The following LINGO2 variants were observed in gnomAD, a reference collection of about 807,000 sequenced individuals.
LINGO2 encodes leucine-rich repeat and immunoglobulin-like domain-containing nogo receptor-interacting protein 2.
Under a neutral mutation model 30.6 loss-of-function variants are expected in LINGO2, and 14 were observed. The observed-to-expected ratio is 0.46, with a 90% CI of 0.30 to 0.72. The LOEUF is 0.72. Ranked by LOEUF, LINGO2 falls within the 30% of genes least tolerant of loss-of-function variation. LINGO2 has a pLI of 0.07. For synonymous variants in LINGO2, 317 were observed against 288.5 expected, an observed-to-expected ratio of 1.10 and a Z score of -1.00; for missense variants, 729 against 751.7, an observed-to-expected ratio of 0.97 and a Z score of 0.35.
chr9:28,663,376 G>T (rs1286278771), intron 1 of LINGO2, among the ~76,000 whole-genome samples: 1 of 152,052 alleles, frequency 6.6e-6, no homozygotes, highest in Non-Finnish European at 1.5e-5. Flanking sequence ...TCACCATATT[G>T]GTCATGCTGG....
chr9:29,164,768 G>A, the LINGO2 span, among the ~76,000 whole-genome samples: 7 of 140,336 alleles, frequency 5.0e-5, no homozygotes, highest in East Asian at 1.2e-3. Context: ...ATATGCACGT[G>A]TGTGTATATC....
At chr9:27,951,662 G>C (rs1283067702) in intron 5 of LINGO2, among the ~76,000 whole-genome samples, 1 of 151,966 alleles carries the variant, frequency 6.6e-6, no homozygotes, top group Non-Finnish European at 1.5e-5. Context: ...ATAAATAAAA[G>C]GTGTATTACT....
intron 1 of LINGO2, among the ~76,000 whole-genome samples, chr9:28,529,606 CTTTTTTT>C (rs201066699): frequency 2.4e-5 from 3 of 125,286 alleles, no homozygotes; most frequent in East Asian, 2.3e-4. Context: ...ATTGCAAATA[CTTTTTTT>C]TTTTTTTTTT....
chr9:28,119,769 A>C (rs112062231), intron 4 of LINGO2, among the ~76,000 whole-genome samples: 1 of 152,192 alleles, frequency 6.6e-6, no homozygotes, highest in Non-Finnish European at 1.5e-5. Context: ...AAATGTATCA[A>C]TCTGTCTCTA....
At chr9:28,518,601 A>C (rs1264379314) in intron 1 of LINGO2, among the ~76,000 whole-genome samples, 2 of 152,208 alleles carry the variant, frequency 1.3e-5, no homozygotes, top group African/African-American at 4.8e-5. Context: ...TTGATGATGA[A>C]TCATAGCTGA....
In LINGO2 at chr9:28,343,401, G is replaced by A. The variant is rs542542487; in HGVS notation, c.-246+29435C>T. On this transcript the variant is annotated intron_variant, in intron 3 of 5. Transcript: ENST00000379992. The stretch of plus-strand genomic sequence containing the variant: ...TCCGTTTCTTGGACTGCAGAGCTAC[G>A]GGTCTGCCTATTCTGTATTGAAATT... Among the ~76,000 whole-genome samples, 8 of 152,220 alleles carry A rather than the reference G, an allele frequency of 5.3e-5. No homozygotes were observed. In the South Asian group the frequency reaches 6.2e-4, roughly 12 times the overall value.
At chr9:28,176,038 T>C (rs1013930289) in intron 4 of LINGO2, among the ~76,000 whole-genome samples, 1 of 152,234 alleles carries the variant, frequency 6.6e-6, no homozygotes, top group African/African-American at 2.4e-5. Flanking sequence ...AAATCTGTGT[T>C]GCTCCCTGCT....
the LINGO2 span, among the ~76,000 whole-genome samples, chr9:28,776,103 A>G: frequency 7.1e-3 from 1,078 of 152,270 alleles, 13 homozygotes; most frequent in African/African-American, 0.025. Context: ...TGAAAAAGTC[A>G]GTTTATGGAA....
the LINGO2 span, among the ~76,000 whole-genome samples, chr9:28,927,789 C>A: frequency 6.6e-6 from 1 of 152,182 alleles, no homozygotes; most frequent in African/African-American, 2.4e-5. Context: ...TTTTTCACAA[C>A]TCTATGAGGC....
intron 4 of LINGO2, among the ~76,000 whole-genome samples, chr9:28,280,751 C>G (rs148912009): frequency 1.9e-3 from 296 of 152,190 alleles, no homozygotes; most frequent in Middle Eastern, 3.4e-3. Flanking sequence ...GTGCCATAGA[C>G]TGAATAAGGA....
intron 1 of LINGO2, among the ~76,000 whole-genome samples, chr9:28,506,503 G>GATAGATAGATAGATAGATAGAT (rs1380029523): frequency 2.4e-5 from 2 of 83,112 alleles, no homozygotes; most frequent in African/African-American, 9.5e-5. Context: ...CACACACACA[G>GATAGATAGATAGATAGATAGAT]ACATATATAT....
rs558616630 is a variant in LINGO2 at position 28,263,175 on chromosome 9, T to C, written c.-87+32033A>G. On this transcript the variant is annotated intron_variant, in intron 4 of 5. Coordinates refer to ENST00000379992, the Ensembl canonical transcript of LINGO2. The stretch of plus-strand genomic sequence containing the variant: ...TGGCCAGATGGCCCTCTCCACACCA[T>C]GGCAATTTGCTTCTCAAAGGCCAAC... Among the ~76,000 whole-genome samples, 130 of 152,108 alleles carry C rather than the reference T, an allele frequency of 8.5e-4. 1 individual carries two copies. The highest frequency in any genetic ancestry group is 3.0e-3 in the African/African-American group (124 of 41,548).
chr9:28,277,551 C>A (rs990005992), intron 4 of LINGO2, among the ~76,000 whole-genome samples: 2 of 152,068 alleles, frequency 1.3e-5, no homozygotes, highest in Non-Finnish European at 2.9e-5. Context: ...TGACTGTAAT[C>A]CCAGCACTCT....
chr9:28,753,196 G>C, the LINGO2 span, among the ~76,000 whole-genome samples: 20 of 152,002 alleles, frequency 1.3e-4, 2 homozygotes, highest in African/African-American at 4.8e-4. Flanking sequence ...GTGAGTGACC[G>C]CAGAAGAAAC....
At chr9:28,960,192 GA>G in the LINGO2 span, among the ~76,000 whole-genome samples, 1 of 152,074 alleles carries the variant, frequency 6.6e-6, no homozygotes, top group Non-Finnish European at 1.5e-5. Flanking sequence ...TAGCTCTCAA[GA>G]AAACACCCTT....
At chr9:28,250,922 C>T (rs1822174580) in intron 4 of LINGO2, among the ~76,000 whole-genome samples, 1 of 151,964 alleles carries the variant, frequency 6.6e-6, no homozygotes, top group South Asian at 2.1e-4. Context: ...GCAAATCCTC[C>T]CACCCCAGCA....
At chr9:28,425,253 A>G (rs10119135) in intron 2 of LINGO2, among the ~76,000 whole-genome samples, 1 of 147,652 alleles carries the variant, frequency 6.8e-6, no homozygotes, top group African/African-American at 2.5e-5. Flanking sequence ...TATTAAATAT[A>G]TGTATTATAT....
At chr9:28,867,455 T>C in the LINGO2 span, among the ~76,000 whole-genome samples, 2 of 150,606 alleles carry the variant, frequency 1.3e-5, no homozygotes, top group Non-Finnish European at 3.0e-5. Flanking sequence ...GAGCTAAATA[T>C]GTGGCAGGCT....
chr9:28,829,148 C>T, the LINGO2 span, among the ~76,000 whole-genome samples: 1 of 152,150 alleles, frequency 6.6e-6, no homozygotes, highest in Non-Finnish European at 1.5e-5. Flanking sequence ...CAGAGAGAAG[C>T]AGCTTGACTT....
Sources: gnomAD v4.1 joint callset for allele counts (sites outside exome capture counted in the v4.1 genomes callset) on GRCh38, gnomAD v4.1.1 for gene constraint, MANE v1.5 for transcripts, NCBI Gene and HGNC (gene_info 2026-07-23, HGNC 2026-07-21) for gene names.